The following BRI3BP variants were observed in gnomAD, a reference collection of about 807,000 sequenced individuals.
BRI3BP encodes the protein BRI3 binding protein.
BRI3BP carries 7 observed loss-of-function variants against 15.8 expected under a neutral mutation model. The ratio of observed to expected loss-of-function variants is 0.44; its 90% confidence interval spans 0.25 to 0.83. BRI3BP has a LOEUF of 0.83. Ranked by LOEUF, BRI3BP falls within the 40% of genes least tolerant of loss-of-function variation. The pLI is 0.20. For missense variants in BRI3BP, 320 were observed against 339.3 expected, an observed-to-expected ratio of 0.94 and a Z score of 0.45; for synonymous variants, 192 against 163.5, an observed-to-expected ratio of 1.17 and a Z score of -1.33.
chr12:125,025,495 A>G lies in BRI3BP; in HGVS notation c.*65A>G, dbSNP rs1955345737. On this transcript the variant is annotated 3_prime_UTR_variant, in exon 3 of 3. Coordinates refer to ENST00000341446, the MANE Select transcript of BRI3BP (RefSeq NM_080626.6). ...TGTCTCAGAAAACGAAAACGGAGGA[A>G]AAAAACCCCAAACCCCAAACAATCT... 1.4e-6 allele frequency: 2 copies of G among 1,386,182 alleles called. No individual in the cohort carries two copies. Among genetic ancestry groups the G allele is most frequent in the Non-Finnish European group, 1.9e-6 (2 of 1,042,076 alleles). The allele number at this position is 1,386,182 out of a possible 1,614,324, so 85.9% of individuals were successfully genotyped here.
At chr12:125,043,552 T>A in the BRI3BP span, among the ~76,000 whole-genome samples, 2 of 151,804 alleles carry the variant, frequency 1.3e-5, no homozygotes, top group Non-Finnish European at 2.9e-5. Context: ...TGCCAATTTT[T>A]TTTTTTTTTA....
rs1034461798 is a variant in BRI3BP, at chr12:124,993,931, C to T, written c.141C>T (p.Arg47=). Residue 47 remains arginine, a synonymous_variant, in exon 1 of 3, where the codon CGC becomes CGT. Transcript: ENST00000341446. ...GCGGCGCGGAGAAGAACAGCTACCG[C>T]CGCACGGTCAACACCTTCTCCCAGA... The part of the protein sequence containing the change: ...GRGGAEKNSY[R]RTVNTFSQSV... The T allele has an allele frequency of 1.4e-5, 19 of 1,352,286 alleles. No homozygotes were observed. Among genetic ancestry groups the T allele is most frequent in the Non-Finnish European group, 1.8e-5 (19 of 1,040,364 alleles). The allele number at this position is 1,352,286 out of a possible 1,614,324, so 83.8% of individuals were successfully genotyped here.
chr12:125,020,209 G>A (rs1955284798), intron 2 of BRI3BP, among the ~76,000 whole-genome samples: 1 of 152,080 alleles, frequency 6.6e-6, no homozygotes. Context: ...GCCTCCCAAA[G>A]AGCTGGGATT....
chr12:125,017,824 C>T (rs1955260715), intron 2 of BRI3BP, among the ~76,000 whole-genome samples: 1 of 152,176 alleles, frequency 6.6e-6, no homozygotes, highest in Admixed American at 6.6e-5. Context: ...AATCGTGCTT[C>T]AGTGATGCGT....
downstream of BRI3BP, among the ~76,000 whole-genome samples, chr12:125,035,193 A>G (rs1955434399): frequency 6.6e-6 from 1 of 152,158 alleles, no homozygotes; most frequent in Non-Finnish European, 1.5e-5. Context: ...CACTTCTCCC[A>G]GGTAAATACT....
intron 1 of BRI3BP, 58 bp downstream of exon 1, chr12:124,994,061 C>T (rs1372957606): frequency 1.4e-4 from 157 of 1,120,940 alleles, no homozygotes; most frequent in Non-Finnish European, 1.7e-4. Context: ...CACCTGGCTA[C>T]CGGGGCCGAC....
chr12:124,996,371 T>A (rs1955041066), intron 1 of BRI3BP, among the ~76,000 whole-genome samples: 1 of 152,236 alleles, frequency 6.6e-6, no homozygotes, highest in Non-Finnish European at 1.5e-5. Flanking sequence ...GTTGGCACGA[T>A]CTTGGCTCAC....
chr12:125,012,017 C>T (rs116679141), intron 1 of BRI3BP, among the ~76,000 whole-genome samples: 4,818 of 152,214 alleles, frequency 0.032, 219 homozygotes, highest in African/African-American at 0.11. Context: ...ATAGCAAGAG[C>T]CCATCTCTAC....
intron 1 of BRI3BP, among the ~76,000 whole-genome samples, chr12:125,006,219 G>T (rs1754144465): frequency 6.6e-6 from 1 of 152,128 alleles, no homozygotes; most frequent in Non-Finnish European, 1.5e-5. Flanking sequence ...CCTTTTGGGG[G>T]ACAGAGTTCA....
At chr12:124,994,117 G>T (rs1955019927) in intron 1 of BRI3BP, 114 bp downstream of exon 1, 1 of 690,276 alleles carries the variant, frequency 1.4e-6, no homozygotes, top group Non-Finnish European at 1.9e-6. Context: ...GCCAGCGCGC[G>T]GGAAGAGGGG....
At chr12:125,012,070 C>T (rs1217519800) in intron 1 of BRI3BP, among the ~76,000 whole-genome samples, 1 of 152,130 alleles carries the variant, frequency 6.6e-6, no homozygotes, top group African/African-American at 2.4e-5. Flanking sequence ...ACCTGTAGCC[C>T]TAGCTACTTG....
chr12:124,993,859 G>A lies in BRI3BP; in HGVS notation c.69G>A (p.Leu23=). 8.2e-7 allele frequency: 1 copy of A among 1,215,772 alleles called. No individual in the cohort carries two copies. The highest frequency in any genetic ancestry group is 2.7e-5 in the South Asian group (1 of 36,382). The allele number at this position is 1,215,772 out of a possible 1,614,324, so 75.3% of individuals were successfully genotyped here. A position where few individuals can be genotyped will look rare whatever the true frequency, so the allele number is the denominator to read the frequency against. ...AGLLLLLLLL[L]LLGLLAPGAQ... ...TCCTGCTGCTGCTGCTGCTGCTGCT[G>A]CTGCTCGGGCTGCTGGCCCCGGGCG... The change falls in exon 1 of 3, where the codon CTG becomes CTA. Residue 23 remains leucine (L), a synonymous_variant. Coordinates refer to ENST00000341446, the MANE Select transcript of BRI3BP (RefSeq NM_080626.6).
intron 2 of BRI3BP, among the ~76,000 whole-genome samples, chr12:125,016,270 G>A (rs1414513073): frequency 6.6e-6 from 1 of 151,824 alleles, no homozygotes; most frequent in Non-Finnish European, 1.5e-5. Context: ...AGTGCAAAAT[G>A]CTTTACAGGA....
intron 1 of BRI3BP, among the ~76,000 whole-genome samples, chr12:125,009,094 GTC>G (rs140182710): frequency 0.13 from 19,882 of 150,964 alleles, 1,350 homozygotes; most frequent in Non-Finnish European, 0.15. Context: ...TCCTGCCTCA[GTC>G]TCTCCCAAGT....
chr12:125,025,061 C>T lies in BRI3BP; in HGVS notation c.387C>T (p.Val129=), dbSNP rs1353244975. Residue 129 remains valine, a synonymous_variant, in exon 3 of 3, where the codon GTC becomes GTT. Transcript: ENST00000341446. Reference sequence around the variant, plus strand: ...GCCCGGCCCGCGCGCTCCTGCTGGTCGGCGTCGTCCTCCTGGCCTACTGGT... The same window carrying T: ...GCCCGGCCCGCGCGCTCCTGCTGGTTGGCGTCGTCCTCCTGGCCTACTGGT... ...SSSPARALLL[V]GVVLLAYWFL... 8.7e-6 allele frequency: 14 copies of T among 1,613,418 alleles called. No homozygotes were observed. Among genetic ancestry groups the T allele is most frequent in the Middle Eastern group, 3.3e-4 (2 of 6,084 alleles).
At chr12:125,009,622 G>GT (rs200333412) in intron 1 of BRI3BP, among the ~76,000 whole-genome samples, 10 of 62,648 alleles carry the variant, frequency 1.6e-4, no homozygotes, top group African/African-American at 6.8e-4. Flanking sequence ...TTAGAGATGG[G>GT]GGGGGGGTCT....
rs201606266 is a variant in BRI3BP, at chr12:125,015,953, C to G, written c.316+3317C>G. Among the ~76,000 whole-genome samples, 878 of 148,310 alleles carry G rather than the reference C, an allele frequency of 5.9e-3. 6 individuals are homozygous for G. Among genetic ancestry groups the G allele is most frequent in the Middle Eastern group, 0.021 (6 of 288 alleles). On this transcript the variant is annotated intron_variant, in intron 2 of 2. Transcript: ENST00000341446. ...CCACCTGCCCGGATTGTCAAACTCT[C>G]TGTGTTTTCGTCGCCACCCATTGAA...
chr12:125,041,612 C>G, the BRI3BP span, among the ~76,000 whole-genome samples: 9 of 152,178 alleles, frequency 5.9e-5, no homozygotes, highest in Non-Finnish European at 1.3e-4. Flanking sequence ...GGTCCCCAGA[C>G]GCTATGTTCT....
At chr12:125,042,479 CTT>C in the BRI3BP span, among the ~76,000 whole-genome samples, 24 of 142,966 alleles carry the variant, frequency 1.7e-4, no homozygotes, top group Middle Eastern at 3.5e-3. Flanking sequence ...TGAATTTCAT[CTT>C]TTTTTTTTTT....
Sources: allele counts gnomAD v4.1 joint callset (sites outside exome capture counted in the v4.1 genomes callset), GRCh38; gene constraint gnomAD v4.1.1; transcripts MANE v1.5; gene names NCBI Gene and HGNC (gene_info 2026-07-23, HGNC 2026-07-21).